The following ESRRG variants were observed in gnomAD, a reference collection of about 807,000 sequenced individuals.
The protein encoded by ESRRG is estrogen related receptor gamma, also known as estrogen-related receptor gamma.
ESRRG carries 13 observed loss-of-function variants against 44.0 expected under a neutral mutation model. The observed-to-expected ratio is 0.30, with a 90% confidence interval of 0.19 to 0.47. The LOEUF is 0.47. Among genes scored for constraint, ESRRG ranks in the 20% least tolerant of loss-of-function variants. The pLI is 1.00. For missense variants in ESRRG, 395 were observed against 580.6 expected, an observed-to-expected ratio of 0.68 and a Z score of 3.29; for synonymous variants, 215 against 214.6, an observed-to-expected ratio of 1.00 and a Z score of -0.02.
At chr1:217,120,829 T>C (rs1289669480) in intron 1 of ESRRG, among the ~76,000 whole-genome samples, 2 of 152,184 alleles carry the variant, frequency 1.3e-5, no homozygotes, top group Non-Finnish European at 2.9e-5. Flanking sequence ...AATTGTACCA[T>C]TTTTTTCATC....
At chr1:216,726,914 A>G (rs1295224618), upstream of ESRRG, among the ~76,000 whole-genome samples, 1 of 152,238 alleles carries the variant, frequency 6.6e-6, no homozygotes, top group Non-Finnish European at 1.5e-5. Context: ...TCCTCTAGTC[A>G]TATACACCAG....
chr1:217,105,634 C>T (rs574778840), intron 1 of ESRRG, among the ~76,000 whole-genome samples: 2 of 152,136 alleles, frequency 1.3e-5, no homozygotes, highest in East Asian at 3.9e-4. Context: ...TGGATTTCCC[C>T]GATGCTGATG....
intron 2 of ESRRG, among the ~76,000 whole-genome samples, chr1:216,656,381 A>T (rs1300036732): frequency 2.0e-5 from 3 of 152,200 alleles, no homozygotes; most frequent in African/African-American, 7.2e-5. Context: ...AACCAGGCTG[A>T]CAAGAAAGAT....
At position 216,774,798 on chromosome 1, in the gene ESRRG, C is replaced by CTCTTTTTTTTTTT. The variant is rs778887121; in HGVS notation, c.-13-97308_-13-97307insAAAAAAAAAAAGA. On this transcript the variant is annotated intron_variant, in intron 2 of 7. Transcript: ENST00000359162. ...ACAGTAAGACAGTGAATAATTTCTT[C>CTCTTTTTTTTTTT]TTTTTTTTTTTTTAAGACAGAATCT... Among the ~76,000 whole-genome samples, 109 of 110,812 alleles carry CTCTTTTTTTTTTT rather than the reference C, an allele frequency of 9.8e-4. 1 individual carries two copies. Among genetic ancestry groups the CTCTTTTTTTTTTT allele is most frequent in the African/African-American group, 4.0e-3 (108 of 27,054 alleles). 72.7% of individuals were successfully genotyped at this position (110,812 alleles called of 152,430 possible). A position where few individuals can be genotyped will look rare whatever the true frequency, so the allele number is the denominator to read the frequency against.
intron 1 of ESRRG, among the ~76,000 whole-genome samples, chr1:217,045,256 G>C (rs902884312): frequency 4.0e-5 from 6 of 151,832 alleles, no homozygotes; most frequent in Non-Finnish European, 5.9e-5. Flanking sequence ...CCTAAAAGCA[G>C]CAAAAAAAAA....
At chr1:216,868,079 C>CTTTTTTTTTT (rs58738849) in intron 2 of ESRRG, among the ~76,000 whole-genome samples, 6 of 78,356 alleles carry the variant, frequency 7.7e-5, no homozygotes, top group Non-Finnish European at 1.3e-4. Flanking sequence ...TATATTGATC[C>CTTTTTTTTTT]TTTTTTTTTT....
chr1:216,579,148 G>A (rs1007874573), intron 3 of ESRRG, among the ~76,000 whole-genome samples: 1 of 151,886 alleles, frequency 6.6e-6, no homozygotes, highest in African/African-American at 2.4e-5. Context: ...ATTCTATCTG[G>A]TTTCAGTAAG....
At chr1:216,637,504 G>A (rs903428708) in intron 3 of ESRRG, among the ~76,000 whole-genome samples, 1 of 152,120 alleles carries the variant, frequency 6.6e-6, no homozygotes, top group Non-Finnish European at 1.5e-5. Context: ...GCTTCCATGT[G>A]ACTTAAAGGA....
At chr1:216,864,809 C>G (rs1437015699) in intron 2 of ESRRG, 1 of 152,112 alleles carries the variant, frequency 6.6e-6, no homozygotes, top group Admixed American at 6.6e-5. Flanking sequence ...GAGAACACCC[C>G]AAGTTCTCTG....
At chr1:217,128,924 C>T (rs2092923932) in intron 1 of ESRRG, among the ~76,000 whole-genome samples, 9 of 152,030 alleles carry the variant, frequency 5.9e-5, no homozygotes, top group Admixed American at 5.9e-4. Flanking sequence ...ATCACTTAAG[C>T]CCAGAAGTTG....
rs2059122322 is a variant in ESRRG at position 216,600,858 on chromosome 1, GAC to G, written c.590-32762_590-32761del. On this transcript the variant is annotated intron_variant, in intron 3 of 6. Coordinates refer to ENST00000408911, the MANE Select transcript of ESRRG (RefSeq NM_001438.4). The stretch of plus-strand genomic sequence containing the variant: ...TGATCAGCCTCACAGCGGGTCACAG[GAC>G]ACAACCGCCGCGCTCTGGTTGGACG... Among the ~76,000 whole-genome samples, 3 of 152,300 alleles carry G rather than the reference GAC, an allele frequency of 2.0e-5. No individual in the cohort carries two copies. In the South Asian group the frequency reaches 6.2e-4, roughly 32 times the overall value.
At chr1:216,761,489 C>T (rs2092770760) in intron 2 of ESRRG, among the ~76,000 whole-genome samples, 1 of 151,998 alleles carries the variant, frequency 6.6e-6, no homozygotes, top group African/African-American at 2.4e-5. Context: ...TCATTGTCAC[C>T]AGAAGCATCT....
At chr1:216,585,791 A>G (rs2063651407) in intron 3 of ESRRG, among the ~76,000 whole-genome samples, 1 of 152,206 alleles carries the variant, frequency 6.6e-6, no homozygotes, top group Admixed American at 6.5e-5. Flanking sequence ...TACTTTTCCC[A>G]GCATTTTGGG....
At chr1:216,707,114 T>G (rs1460519366) in intron 1 of ESRRG, among the ~76,000 whole-genome samples, 1 of 152,176 alleles carries the variant, frequency 6.6e-6, no homozygotes, top group Non-Finnish European at 1.5e-5. Context: ...TTGGAATGAG[T>G]TTACTAATTC....
intron 1 of ESRRG, among the ~76,000 whole-genome samples, chr1:217,013,407 TG>T (rs1200728480): frequency 6.6e-6 from 1 of 152,228 alleles, no homozygotes; most frequent in East Asian, 1.9e-4. Context: ...AGTATAAATT[TG>T]GCAAAGAATA....
chr1:216,998,886 GA>G (rs2076685570), intron 1 of ESRRG, among the ~76,000 whole-genome samples: 1 of 152,194 alleles, frequency 6.6e-6, no homozygotes, highest in South Asian at 2.1e-4. Flanking sequence ...CCCTTTGAAT[GA>G]GATTTCAGAA....
intron 2 of ESRRG, among the ~76,000 whole-genome samples, chr1:216,744,930 C>A (rs2091213827): frequency 6.6e-6 from 1 of 152,148 alleles, no homozygotes. Flanking sequence ...GTGTATGTTT[C>A]TGCTCTATTT....
intron 1 of ESRRG, among the ~76,000 whole-genome samples, chr1:216,985,506 T>C (rs1342551541): frequency 6.6e-6 from 1 of 152,220 alleles, no homozygotes; most frequent in Non-Finnish European, 1.5e-5. Context: ...TGGACTAATC[T>C]TCCCCATCTC....
chr1:216,573,300 GA>G (rs2061150511), intron 3 of ESRRG, among the ~76,000 whole-genome samples: 1 of 151,896 alleles, frequency 6.6e-6, no homozygotes, highest in South Asian at 2.1e-4. Flanking sequence ...TTGCTAGTCA[GA>G]ATGGTTCAAT....
Sources: gnomAD v4.1 joint callset for allele counts (sites outside exome capture counted in the v4.1 genomes callset) on GRCh38, gnomAD v4.1.1 for gene constraint, MANE v1.5 for transcripts, NCBI Gene and HGNC (gene_info 2026-07-23, HGNC 2026-07-21) for gene names.